The following TCF7L2 variants were observed in gnomAD, a reference collection of about 807,000 sequenced individuals.
TCF7L2 encodes transcription factor 7-like 2.
A neutral mutation model predicts 77.9 loss-of-function variants in TCF7L2; 23 were observed. That is an observed-to-expected ratio of 0.30 (90% confidence interval 0.21 to 0.42). TCF7L2 has a LOEUF of 0.42. TCF7L2 is among the 10% of genes least tolerant of loss of function. TCF7L2 has a pLI of 1.00. For synonymous variants in TCF7L2, 413 were observed against 340.2 expected (o/e 1.21, Z -2.36); for missense variants, 654 against 793.1 (o/e 0.82, Z 2.11).
intron 11 of TCF7L2, among the ~76,000 whole-genome samples, chr10:113,157,346 GA>G (rs1350048465): frequency 6.6e-6 from 1 of 152,168 alleles, no homozygotes; most frequent in Non-Finnish European, 1.5e-5. Context: ...TTGAACTCCT[GA>G]CTTCAGGTGA....
intron 3 of TCF7L2, among the ~76,000 whole-genome samples, chr10:112,955,760 C>T (rs1308207455): frequency 2.0e-5 from 3 of 152,098 alleles, no homozygotes; most frequent in African/African-American, 4.8e-5. Flanking sequence ...AAAAAGTTAC[C>T]GGAAGGTTTC....
chr10:112,969,793 C>G (rs774141218), intron 4 of TCF7L2, among the ~76,000 whole-genome samples: 8 of 152,194 alleles, frequency 5.3e-5, no homozygotes, highest in Non-Finnish European at 1.0e-4. Flanking sequence ...AGGCTGAATT[C>G]CAGAGGTGGA....
At chr10:113,023,692 G>A (rs1056011833) in intron 4 of TCF7L2, among the ~76,000 whole-genome samples, 4 of 150,854 alleles carry the variant, frequency 2.7e-5, no homozygotes, top group African/African-American at 9.7e-5. Flanking sequence ...TTTTTGAGAC[G>A]GAGTCTCGCT....
At chr10:113,010,231 A>G (rs1188564611) in intron 4 of TCF7L2, among the ~76,000 whole-genome samples, 1 of 152,008 alleles carries the variant, frequency 6.6e-6, no homozygotes, top group Non-Finnish European at 1.5e-5. Flanking sequence ...AAAAGGTTAT[A>G]TGTCTTAGTA....
At chr10:113,084,953 C>T (rs2059686080) in intron 5 of TCF7L2, among the ~76,000 whole-genome samples, 1 of 151,880 alleles carries the variant, frequency 6.6e-6, no homozygotes, top group African/African-American at 2.4e-5. Context: ...AATTAATCAC[C>T]ACCAGAGTTT....
chr10:113,095,916 T>G (rs2060912134), intron 5 of TCF7L2, among the ~76,000 whole-genome samples: 1 of 152,200 alleles, frequency 6.6e-6, no homozygotes, highest in Non-Finnish European at 1.5e-5. Flanking sequence ...CCTTTCGTCG[T>G]GAGTCACGTA....
chr10:113,070,269 TTATA>T (rs34181424), intron 5 of TCF7L2, among the ~76,000 whole-genome samples: 2,432 of 124,116 alleles, frequency 0.02, 78 homozygotes, highest in African/African-American at 0.071. Context: ...AAAAAAAAAT[TTATA>T]TATATATATA....
intron 3 of TCF7L2, among the ~76,000 whole-genome samples, chr10:112,961,422 A>C (rs1032101263): frequency 1.3e-5 from 2 of 152,084 alleles, no homozygotes; most frequent in Non-Finnish European, 2.9e-5. Flanking sequence ...ACCATCTTTT[A>C]TTCTTCCTTC....
intron 3 of TCF7L2, among the ~76,000 whole-genome samples, chr10:112,957,190 CTTTTTTTTT>C (rs35054285): frequency 4.9e-5 from 3 of 60,686 alleles, no homozygotes; most frequent in South Asian, 1.3e-3. Flanking sequence ...ACACCCCCAC[CTTTTTTTTT>C]TTTTTTTTTT....
In TCF7L2 at chr10:112,965,627, ATATGTGTGTG is replaced by A. The variant is rs1351811352; in HGVS notation, c.450+1005_450+1014del. The stretch of plus-strand genomic sequence containing the variant: ...GCAGATAACTTGTCTGTGTGTGTGT[ATATGTGTGTG>A]TGTGTGTGTGTGTGTGTGTGTGTGT... On this transcript the variant is annotated intron_variant, in intron 4 of 13. Coordinates refer to ENST00000627217, the MANE Select transcript of TCF7L2 (RefSeq NM_001146274.2). Among the ~76,000 whole-genome samples the A allele has an allele frequency of 2.3e-4, 16 of 68,194 alleles. No individual in the cohort carries two copies. The South Asian group carries it at 8.7e-3, about 37-fold the overall frequency. The allele number at this position is 68,194 out of a possible 152,430, so 44.7% of individuals were successfully genotyped here.
chr10:113,033,101 C>A (rs943546546), intron 4 of TCF7L2, among the ~76,000 whole-genome samples: 1 of 151,748 alleles, frequency 6.6e-6, no homozygotes, highest in East Asian at 1.9e-4. Context: ...GTTTTTTTTC[C>A]CCCAAGTCAA....
intron 2 of TCF7L2, 73 bp from the exon 3 acceptor site, chr10:112,951,410 T>G: frequency 2.3e-6 from 3 of 1,280,176 alleles, no homozygotes; most frequent in Non-Finnish European, 3.1e-6. Flanking sequence ...CGGGGCACTT[T>G]CTAAAAAGTT....
chr10:112,995,930 C>T (rs111970335), intron 4 of TCF7L2, among the ~76,000 whole-genome samples: 1,627 of 152,246 alleles, frequency 0.011, 6 homozygotes, highest in Middle Eastern at 0.02. Context: ...TAATCTTTGC[C>T]TCAAATTTCC....
chr10:113,023,877 C>G (rs535468328), intron 4 of TCF7L2, among the ~76,000 whole-genome samples: 6 of 151,400 alleles, frequency 4.0e-5, no homozygotes, highest in African/African-American at 1.5e-4. Context: ...ACCATGTTGG[C>G]CAGGTCTCTT....
At chr10:113,050,679 C>T (rs1221393748) in intron 5 of TCF7L2, among the ~76,000 whole-genome samples, 1 of 152,124 alleles carries the variant, frequency 6.6e-6, no homozygotes, top group Non-Finnish European at 1.5e-5. Flanking sequence ...TCAGCCAAAG[C>T]TCATAAATGA....
chr10:113,051,203 C>CCACACACACACACACACA (rs55771704), intron 5 of TCF7L2, among the ~76,000 whole-genome samples: 30 of 140,488 alleles, frequency 2.1e-4, no homozygotes, highest in African/African-American at 6.4e-4. Flanking sequence ...TGCATACACA[C>CCACACACACACACACACA]CACACACACA....
chr10:113,059,693 C>T (rs2056102601), intron 5 of TCF7L2, among the ~76,000 whole-genome samples: 2 of 152,048 alleles, frequency 1.3e-5, no homozygotes, highest in African/African-American at 4.8e-5. Context: ...TCAATTGTTC[C>T]TTTGGTTTTC....
intron 4 of TCF7L2, among the ~76,000 whole-genome samples, chr10:113,033,950 A>G (rs2134129380): frequency 6.6e-6 from 1 of 152,360 alleles, no homozygotes; most frequent in East Asian, 1.9e-4. Context: ...TGGTGCCTGT[A>G]TGATTCAGAG....
chr10:113,022,392 T>C (rs1166452609), intron 4 of TCF7L2, among the ~76,000 whole-genome samples: 1 of 152,190 alleles, frequency 6.6e-6, no homozygotes, highest in East Asian at 1.9e-4. Flanking sequence ...ATGCAGCGAC[T>C]TAGAACACCC....
Sources: gnomAD v4.1 joint callset for allele counts (sites outside exome capture counted in the v4.1 genomes callset) on GRCh38, gnomAD v4.1.1 for gene constraint, MANE v1.5 for transcripts, NCBI Gene and HGNC (gene_info 2026-07-23, HGNC 2026-07-21) for gene names.